Variants in KIDINS220 observed in about 807,000 individuals in gnomAD.
KIDINS220 encodes kinase D interacting substrate 220, also known as kinase D-interacting substrate of 220 kDa.
In KIDINS220, 63 loss-of-function variants were observed where a neutral mutation model predicts 157.6. That is an observed-to-expected ratio of 0.40 (90% CI 0.33 to 0.49). The LOEUF (loss-of-function observed/expected upper bound fraction) is 0.49. Ranked by LOEUF, KIDINS220 falls within the 20% of genes least tolerant of loss-of-function variation. The pLI, the probability that KIDINS220 is intolerant of heterozygous loss-of-function variation, is 0.66. For missense variants in KIDINS220, 1,772 were observed against 2,171.2 expected, an observed-to-expected ratio of 0.82 and a Z score of 3.65; for synonymous variants, 732 against 783.6, an observed-to-expected ratio of 0.93 and a Z score of 1.10.
intron 23 of KIDINS220, among the ~76,000 whole-genome samples, chr2:8,750,789 C>A (rs1021517462): frequency 3.9e-5 from 6 of 152,204 alleles, no homozygotes; most frequent in Admixed American, 2.6e-4. Flanking sequence ...CATGTAATAC[C>A]CTTTGACATC....
At chr2:8,768,538 T>C (rs1289673978) in intron 22 of KIDINS220, among the ~76,000 whole-genome samples, 2 of 152,188 alleles carry the variant, frequency 1.3e-5, no homozygotes, top group African/African-American at 4.8e-5. Context: ...AGCAGATGTG[T>C]CATCAAATTG....
intron 6 of KIDINS220, among the ~76,000 whole-genome samples, chr2:8,809,456 T>C (rs1259080680): frequency 2.0e-5 from 3 of 151,910 alleles, no homozygotes; most frequent in Non-Finnish European, 2.9e-5. Context: ...CAAGTTCTCC[T>C]AGCTCTGGAG....
At chr2:8,777,023 A>G in intron 20 of KIDINS220, 131 bp from the exon 21 acceptor site, 3 of 891,360 alleles carry the variant, frequency 3.4e-6, no homozygotes, top group Non-Finnish European at 1.7e-6. Flanking sequence ...AATATCATAC[A>G]GTAATAAATT....
intron 1 of KIDINS220, among the ~76,000 whole-genome samples, chr2:8,831,708 A>T (rs1488315278): frequency 6.6e-6 from 1 of 152,200 alleles, no homozygotes; most frequent in Admixed American, 6.5e-5. Context: ...TATCTAGCAC[A>T]ATGCCTACAC....
chr2:8,791,703 A>G (rs1673219215), intron 12 of KIDINS220, among the ~76,000 whole-genome samples: 1 of 152,178 alleles, frequency 6.6e-6, no homozygotes, highest in African/African-American at 2.4e-5. Context: ...TAATACCTAT[A>G]CAAAGAAAGT....
chr2:8,734,739 G>T lies in KIDINS220; in HGVS notation c.3732C>A (p.Gly1244=). ...CTTIKKANIN[G]RVLAQCNIDE... ...CAATGTTACACTGAGCTAACACACG[G>T]CCATTTATGTTTGCCTGAGTAAAAA... The change falls in exon 28 of 30, where the codon GGC becomes GGA. Residue 1244 remains glycine, a synonymous_variant. Coordinates refer to ENST00000256707, the MANE Select transcript of KIDINS220 (RefSeq NM_020738.4). 6.2e-7 allele frequency: 1 copy of T among 1,610,428 alleles called. No homozygotes were observed. The highest frequency in any genetic ancestry group is 8.5e-7 in the Non-Finnish European group (1 of 1,178,484).
At chr2:8,832,796 T>C (rs923449923) in intron 1 of KIDINS220, among the ~76,000 whole-genome samples, 8 of 152,212 alleles carry the variant, frequency 5.3e-5, no homozygotes, top group Admixed American at 4.6e-4. Context: ...AGCTGTCTAG[T>C]GGTCAAAAGT....
intron 22 of KIDINS220, among the ~76,000 whole-genome samples, chr2:8,760,886 T>A (rs371755430): frequency 1.3e-5 from 2 of 152,278 alleles, no homozygotes; most frequent in African/African-American, 4.8e-5. Context: ...ATTTACCCAG[T>A]TACAACCATG....
chr2:8,808,812 C>T (rs1675875705), intron 6 of KIDINS220, among the ~76,000 whole-genome samples: 1 of 152,220 alleles, frequency 6.6e-6, no homozygotes, highest in Non-Finnish European at 1.5e-5. Context: ...GTGGGTCTCT[C>T]CTGTTCTAAC....
In KIDINS220 at chr2:8,736,598, T is replaced by A. The variant is rs527487232; in HGVS notation, c.3717+270A>T. The stretch of plus-strand genomic sequence containing the variant: ...GGAATCCCTCAGAGCTTTCTCTTTC[T>A]CATCAAGGCATTCTTTACTTGTATT... On this transcript the variant is annotated intron_variant, in intron 27 of 29. Transcript: ENST00000256707. Among the ~76,000 whole-genome samples, 7 of 152,354 alleles carry A rather than the reference T, an allele frequency of 4.6e-5. No individual in the cohort carries two copies. The South Asian group carries it at 1.4e-3, about 32-fold the overall frequency.
chr2:8,786,475 G>GT (rs1672414024), intron 15 of KIDINS220, 118 bp from the exon 16 acceptor site: 1 of 854,750 alleles, frequency 1.2e-6, no homozygotes, highest in South Asian at 1.8e-5. Context: ...TCAAAATATT[G>GT]TTTTTTAAAT....
chr2:8,814,565 G>T (rs1280244787), intron 4 of KIDINS220, among the ~76,000 whole-genome samples: 1 of 152,152 alleles, frequency 6.6e-6, no homozygotes, highest in Non-Finnish European at 1.5e-5. Context: ...ACTAATTAAT[G>T]TACAACATAT....
chr2:8,750,274 T>C lies in KIDINS220; in HGVS notation c.3252A>G (p.Leu1084=), dbSNP rs770205702. 1 of 1,613,812 alleles carries C rather than the reference T, an allele frequency of 6.2e-7. No individual in the cohort carries two copies. The highest frequency in any genetic ancestry group is 1.1e-5 in the South Asian group (1 of 91,074). ...ATGGCGCCCTAGGAGGACCCTCATG[T>C]AGAGGGAGCGGGGGGTACGCCAGTC... ...IGGLAYPPLP[L]HEGPPRAPSG... is the part of the protein sequence containing the mutation. The change falls in exon 24 of 30, where the codon CTA becomes CTG. Residue 1084 remains leucine, a synonymous_variant. Transcript: ENST00000256707.
intron 22 of KIDINS220, among the ~76,000 whole-genome samples, chr2:8,765,993 C>T (rs925773401): frequency 3.9e-5 from 6 of 152,120 alleles, no homozygotes; most frequent in African/African-American, 1.4e-4. Context: ...AAACAAGCTC[C>T]CTTGAATCAA....
At chr2:8,800,632 G>T (rs1558449832) in intron 8 of KIDINS220, 134 bp from the exon 9 acceptor site, 3 of 631,196 alleles carry the variant, frequency 4.8e-6, no homozygotes, top group Non-Finnish European at 5.5e-6. Flanking sequence ...CTAAATAAGA[G>T]AAAAATGTTA....
At position 8,733,317 on chromosome 2, in the gene KIDINS220, T is replaced by A. The variant is rs1558305859; in HGVS notation, c.4053+127A>T. Reference sequence around the variant, plus strand: ...CTTGAGTACAGGGAGCCCTCCATCTTGTCTCCTGTTCACTTAGGTATTCAG... The same window carrying A: ...CTTGAGTACAGGGAGCCCTCCATCTAGTCTCCTGTTCACTTAGGTATTCAG... On this transcript the variant is annotated intron_variant, in intron 29 of 29. Transcript: ENST00000256707. The A allele has an allele frequency of 3.7e-6, 3 of 810,018 alleles. No individual in the cohort carries two copies. In the East Asian group the frequency reaches 7.6e-5, roughly 20 times the overall value. 50.2% of individuals were successfully genotyped at this position (810,018 alleles called of 1,614,324 possible).
chr2:8,821,055 C>T (rs1373417092), intron 2 of KIDINS220, among the ~76,000 whole-genome samples: 7 of 152,052 alleles, frequency 4.6e-5, no homozygotes, highest in South Asian at 2.1e-4. Flanking sequence ...TTTCTGTTTA[C>T]GCTCTGGGTC....
chr2:8,774,856 G>A (rs541964873), intron 21 of KIDINS220, among the ~76,000 whole-genome samples: 17 of 152,262 alleles, frequency 1.1e-4, no homozygotes, highest in African/African-American at 4.1e-4. Flanking sequence ...TAACATGACT[G>A]GCTTCTATTT....
chr2:8,736,086 G>A (rs918855520), intron 27 of KIDINS220, among the ~76,000 whole-genome samples: 33 of 152,204 alleles, frequency 2.2e-4, no homozygotes, highest in African/African-American at 7.0e-4. Context: ...AAAATTGGCT[G>A]AGATGAGTAA....
Sources: gnomAD v4.1 joint callset for allele counts (sites outside exome capture counted in the v4.1 genomes callset) on GRCh38, gnomAD v4.1.1 for gene constraint, MANE v1.5 for transcripts, NCBI Gene and HGNC (gene_info 2026-07-23, HGNC 2026-07-21) for gene names.